The following NSUN6 variants were observed in gnomAD, a reference collection of about 807,000 sequenced individuals.
The protein encoded by NSUN6 is tRNA (cytosine(72)-C(5))-methyltransferase NSUN6.
NSUN6 carries 64 observed loss-of-function variants against 58.0 expected under a neutral mutation model. The ratio of observed to expected loss-of-function variants is 1.10; its 90% CI spans 0.90 to 1.36. NSUN6 has a LOEUF of 1.36. NSUN6 is among the 40% of genes most tolerant of loss of function. The pLI, the probability that NSUN6 is intolerant of heterozygous loss-of-function variation, is 0.00. For missense variants in NSUN6, 701 were observed against 550.1 expected (o/e 1.27, Z -2.74); for synonymous variants, 231 against 193.9 (o/e 1.19, Z -1.59).
intron 8 of NSUN6, among the ~76,000 whole-genome samples, chr10:18,571,577 A>G (rs781012100): frequency 1.4e-4 from 20 of 147,378 alleles, no homozygotes; most frequent in Admixed American, 6.8e-5. Flanking sequence ...TGTCTATTCC[A>G]ATGTCCATTC....
intron 7 of NSUN6, 90 bp downstream of exon 7, chr10:18,596,118 T>G: frequency 1.6e-5 from 17 of 1,092,390 alleles, no homozygotes; most frequent in Non-Finnish European, 2.2e-5. Flanking sequence ...CTGAACTAAA[T>G]GAGACTGTGA....
At chr10:18,636,258 T>C (rs1022534287) in intron 3 of NSUN6, among the ~76,000 whole-genome samples, 94 of 148,520 alleles carry the variant, frequency 6.3e-4, no homozygotes, top group African/African-American at 2.2e-3. Flanking sequence ...TTAATAAAGA[T>C]AAGAAATGAG....
In NSUN6 at chr10:18,633,969, T is replaced by C. The variant is rs141988685; in HGVS notation, c.311+8507A>G. On this transcript the variant is annotated intron_variant, in intron 3 of 10. Coordinates refer to ENST00000377304, the MANE Select transcript of NSUN6 (RefSeq NM_182543.5). Reference sequence around the variant, plus strand: ...ATGAGCCAGCAGAGAAGATTTGCAGTACTTCCCAGAAAACATATTTGATTA... The same window carrying C: ...ATGAGCCAGCAGAGAAGATTTGCAGCACTTCCCAGAAAACATATTTGATTA... 3.8e-3 allele frequency among the ~76,000 whole-genome samples: 577 copies of C among 152,306 alleles called. 4 individuals carry two copies. Among genetic ancestry groups the C allele is most frequent in the African/African-American group, 0.013 (525 of 41,578 alleles).
At chr10:18,606,645 G>C (rs569040254) in intron 6 of NSUN6, among the ~76,000 whole-genome samples, 9 of 152,264 alleles carry the variant, frequency 5.9e-5, no homozygotes, top group African/African-American at 2.2e-4. Context: ...ACTGGGTGAA[G>C]GGTATATAGA....
intron 3 of NSUN6, among the ~76,000 whole-genome samples, chr10:18,627,482 C>T (rs2058853223): frequency 6.6e-6 from 1 of 152,206 alleles, no homozygotes; most frequent in African/African-American, 2.4e-5. Context: ...GTGATTTCTG[C>T]ATTTCCATCT....
chr10:18,635,860 A>T (rs11015255), intron 3 of NSUN6, among the ~76,000 whole-genome samples: 50,583 of 141,924 alleles, frequency 0.36, 9,114 homozygotes, highest in East Asian at 0.73. Context: ...CGTTTTTTTT[A>T]AAAAAAAAAG....
At chr10:18,602,400 C>T (rs376059074) in intron 6 of NSUN6, among the ~76,000 whole-genome samples, 8 of 152,122 alleles carry the variant, frequency 5.3e-5, no homozygotes, top group East Asian at 3.9e-4. Context: ...CCCGCCACCA[C>T]GCCCGGCTAA....
chr10:18,575,829 A>G (rs1029297838), intron 8 of NSUN6, among the ~76,000 whole-genome samples: 2 of 152,156 alleles, frequency 1.3e-5, no homozygotes, highest in African/African-American at 4.8e-5. Flanking sequence ...ATCAATTCCT[A>G]AAAAATTATA....
chr10:18,575,022 T>A (rs1175352579), intron 8 of NSUN6, among the ~76,000 whole-genome samples: 1 of 151,892 alleles, frequency 6.6e-6, no homozygotes, highest in Non-Finnish European at 1.5e-5. Flanking sequence ...TTCTCTTCCA[T>A]CAAAAAGGAA....
intron 8 of NSUN6, among the ~76,000 whole-genome samples, chr10:18,571,072 A>T (rs1336302730): frequency 1.4e-5 from 2 of 147,032 alleles, no homozygotes; most frequent in Non-Finnish European, 1.5e-5. Context: ...TCTCCATTTC[A>T]TTGCATTCCA....
rs549136961 is a variant in NSUN6 at position 18,551,047 on chromosome 10, A to C, written c.1071+776T>G. 4.6e-5 allele frequency among the ~76,000 whole-genome samples: 7 copies of C among 152,306 alleles called. No homozygotes were observed. The East Asian group carries it at 1.4e-3, about 29-fold the overall frequency. On this transcript the variant is annotated intron_variant, in intron 9 of 10. Transcript: ENST00000377304. ...GCCAATAACTCTATTTTTTTAAAAA[A>C]AAGAGTAATTTATTTTATATCTAAT... is the stretch of plus-strand genomic sequence containing the variant.
intron 8 of NSUN6, among the ~76,000 whole-genome samples, chr10:18,574,962 A>T (rs530649536): frequency 6.6e-6 from 1 of 152,112 alleles, no homozygotes; most frequent in Non-Finnish European, 1.5e-5. Flanking sequence ...TCTGAAATGC[A>T]TATTTTTCAC....
At chr10:18,625,470 T>C (rs1037465091) in intron 3 of NSUN6, among the ~76,000 whole-genome samples, 6 of 152,058 alleles carry the variant, frequency 3.9e-5, no homozygotes, top group African/African-American at 1.4e-4. Context: ...CCCAGCACTT[T>C]GGAAGGCCGA....
rs78076986 is a variant in NSUN6, at chr10:18,622,195, A to G, written c.312-5902T>C. On this transcript the variant is annotated intron_variant, in intron 3 of 10. Coordinates refer to ENST00000377304, the MANE Select transcript of NSUN6 (RefSeq NM_182543.5). ...AAGTCTTCAGGGGTAATTAGTTATG[A>G]GGGTAGAATGCTCATAAATGGGATC... 3.9e-3 allele frequency among the ~76,000 whole-genome samples: 593 copies of G among 152,234 alleles called. 7 individuals carry two copies. The highest frequency in any genetic ancestry group is 0.014 in the African/African-American group (568 of 41,526).
At chr10:18,546,857 G>A (rs916235828) in intron 10 of NSUN6, among the ~76,000 whole-genome samples, 1 of 151,340 alleles carries the variant, frequency 6.6e-6, no homozygotes, top group Non-Finnish European at 1.5e-5. Flanking sequence ...GAGCGACAGA[G>A]TGACACTCCA....
upstream of NSUN6, chr10:18,653,343 G>T: frequency 2.0e-6 from 2 of 981,112 alleles, no homozygotes; most frequent in Non-Finnish European, 2.4e-6. Context: ...CTTCACTAGT[G>T]CCACACACGG....
intron 7 of NSUN6, among the ~76,000 whole-genome samples, chr10:18,590,783 A>C (rs918006535): frequency 1.3e-5 from 2 of 152,336 alleles, no homozygotes; most frequent in East Asian, 1.9e-4. Flanking sequence ...TTATAGCACT[A>C]AATGCCCACA....
chr10:18,600,622 A>C (rs1326026682), intron 6 of NSUN6, among the ~76,000 whole-genome samples: 1 of 151,588 alleles, frequency 6.6e-6, no homozygotes, highest in African/African-American at 2.4e-5. Context: ...TCAATAAAAC[A>C]AAAAAAGAGA....
intron 3 of NSUN6, among the ~76,000 whole-genome samples, chr10:18,616,922 T>C (rs1319437567): frequency 6.6e-6 from 1 of 152,154 alleles, no homozygotes; most frequent in Non-Finnish European, 1.5e-5. Context: ...AACTCACTGC[T>C]GGGGGAATTA....
Sources: allele counts gnomAD v4.1 joint callset (sites outside exome capture counted in the v4.1 genomes callset), GRCh38; gene constraint gnomAD v4.1.1; transcripts MANE v1.5; gene names NCBI Gene and HGNC (gene_info 2026-07-23, HGNC 2026-07-21).